DNM3: variants seen among roughly 807,000 people sequenced by gnomAD.
DNM3 encodes the protein dynamin-3.
A neutral mutation model predicts 101.6 loss-of-function variants in DNM3; 47 were observed. The observed-to-expected ratio is 0.46, with a 90% CI of 0.37 to 0.59. The LOEUF is 0.59. Among genes scored for constraint, DNM3 ranks in the 20% least tolerant of loss-of-function variants. DNM3 has a pLI of 0.00. For synonymous variants in DNM3, 385 were observed against 387.9 expected (o/e 0.99, Z 0.09); for missense variants, 849 against 1,085.7 (o/e 0.78, Z 3.06).
At chr1:172,371,271 T>C (rs564379001) in intron 17 of DNM3, among the ~76,000 whole-genome samples, 135 of 152,126 alleles carry the variant, frequency 8.9e-4, no homozygotes, top group African/African-American at 3.1e-3. Context: ...CATATTCAGA[T>C]AGGTAGCAAA....
chr1:172,131,792 A>G, intron 14 of DNM3: 1 of 397,188 alleles, frequency 2.5e-6, no homozygotes, highest in Non-Finnish European at 5.0e-6. Context: ...TGTTTATACA[A>G]ATTTTGTTCT....
At chr1:172,376,335 G>C (rs2068599644) in intron 17 of DNM3, 1 of 152,012 alleles carries the variant, frequency 6.6e-6, no homozygotes, top group Admixed American at 6.6e-5. Flanking sequence ...AAAGATCAGA[G>C]ACAAATTACT....
Position 171,899,208 on chromosome 1 carries a change from A to G in DNM3, c.162-22540A>G, listed in dbSNP as rs71637430. ...CTGGTGTGTTTTCCCCGCTGCTGCC[A>G]TGTGATGGCTCGTAAGCAGCACTAC... On this transcript the variant is annotated intron_variant, in intron 1 of 20. Transcript: ENST00000627582. Among the ~76,000 whole-genome samples, 52 of 152,330 alleles carry G rather than the reference A, an allele frequency of 3.4e-4. 1 individual carries two copies. The highest frequency in any genetic ancestry group is 3.7e-4 in the Non-Finnish European group (25 of 68,032).
chr1:172,080,415 C>T (rs564758521), intron 11 of DNM3, among the ~76,000 whole-genome samples: 64 of 152,238 alleles, frequency 4.2e-4, no homozygotes, highest in Non-Finnish European at 7.1e-4. Flanking sequence ...GGCAGCTTTG[C>T]TTACACTGTG....
At chr1:171,846,869 T>C (rs1571221609) in intron 1 of DNM3, among the ~76,000 whole-genome samples, 1 of 152,236 alleles carries the variant, frequency 6.6e-6, no homozygotes, top group South Asian at 2.1e-4. Context: ...TTAGCCATTA[T>C]GGGGTAGCAG....
chr1:172,258,956 GT>G (rs941567390), intron 15 of DNM3, among the ~76,000 whole-genome samples: 2 of 150,524 alleles, frequency 1.3e-5, no homozygotes, highest in African/African-American at 4.9e-5. Context: ...TTTGATTTCT[GT>G]TTTTTTCAAG....
intron 16 of DNM3, among the ~76,000 whole-genome samples, chr1:172,312,210 G>A (rs1276038558): frequency 6.6e-6 from 1 of 152,182 alleles, no homozygotes; most frequent in Non-Finnish European, 1.5e-5. Context: ...GAATGTCTAA[G>A]TAGTGTGATT....
At chr1:172,238,649 A>G (rs1195336462) in intron 14 of DNM3, among the ~76,000 whole-genome samples, 2 of 152,090 alleles carry the variant, frequency 1.3e-5, no homozygotes, top group South Asian at 2.1e-4. Context: ...AGTCCCATTC[A>G]TGGTACCTGA....
chr1:172,219,594 G>A (rs1185205697), intron 14 of DNM3, among the ~76,000 whole-genome samples: 1 of 151,948 alleles, frequency 6.6e-6, no homozygotes, highest in East Asian at 1.9e-4. Context: ...AGAGGGAAGA[G>A]GAAAGTCAGT....
At chr1:172,034,304 A>G (rs902894048) in intron 6 of DNM3, among the ~76,000 whole-genome samples, 2 of 152,158 alleles carry the variant, frequency 1.3e-5, no homozygotes, top group Non-Finnish European at 2.9e-5. Flanking sequence ...ATATGAATAT[A>G]TTTTTGAGAA....
intron 14 of DNM3, among the ~76,000 whole-genome samples, chr1:172,232,878 C>T (rs1025943874): frequency 1.7e-4 from 26 of 152,190 alleles, no homozygotes; most frequent in Non-Finnish European, 4.4e-5. Context: ...CTCTGGGACA[C>T]ATTTAAAGCA....
intron 2 of DNM3, among the ~76,000 whole-genome samples, chr1:171,976,306 G>C (rs1558358523): frequency 6.6e-6 from 1 of 152,160 alleles, no homozygotes; most frequent in Non-Finnish European, 1.5e-5. Flanking sequence ...AGACATACTG[G>C]AGATTGGGTA....
chr1:172,377,408 G>A (rs1011731), intron 17 of DNM3, among the ~76,000 whole-genome samples: 71,832 of 151,204 alleles, frequency 0.48, 20,186 homozygotes, highest in East Asian at 0.87. Context: ...TAAACACAAC[G>A]GCAAAATCTA....
chr1:172,039,573 G>A (rs564547591), intron 7 of DNM3, among the ~76,000 whole-genome samples: 1 of 151,590 alleles, frequency 6.6e-6, no homozygotes, highest in Admixed American at 6.6e-5. Context: ...TTTCTGTTTA[G>A]GCCCTAGGTC....
At chr1:172,147,893 C>G (rs1264532216) in intron 14 of DNM3, among the ~76,000 whole-genome samples, 1 of 152,086 alleles carries the variant, frequency 6.6e-6, no homozygotes, top group East Asian at 1.9e-4. Flanking sequence ...ACTACTTTCT[C>G]AATGGTCATT....
At chr1:172,282,890 G>A (rs1036197325) in intron 15 of DNM3, among the ~76,000 whole-genome samples, 5 of 152,190 alleles carry the variant, frequency 3.3e-5, no homozygotes, top group Non-Finnish European at 7.3e-5. Context: ...GACAGCTTAT[G>A]TGACTGTCTT....
At chr1:172,047,303 A>G (rs909543143) in intron 9 of DNM3, among the ~76,000 whole-genome samples, 1 of 152,118 alleles carries the variant, frequency 6.6e-6, no homozygotes, top group Non-Finnish European at 1.5e-5. Context: ...AACTCTCCTT[A>G]CTGTGTATCC....
At chr1:172,188,682 G>A (rs1396508733) in intron 14 of DNM3, among the ~76,000 whole-genome samples, 1 of 151,896 alleles carries the variant, frequency 6.6e-6, no homozygotes, top group Non-Finnish European at 1.5e-5. Flanking sequence ...AATTCATTTG[G>A]GTGAATACCT....
At position 172,252,577 on chromosome 1, in the gene DNM3, C is replaced by T. The variant is rs146259439; in HGVS notation, c.1660-996C>T. Among the ~76,000 whole-genome samples the T allele has an allele frequency of 4.5e-4, 68 of 152,202 alleles. No homozygotes were observed. In the East Asian group the frequency reaches 4.6e-3, roughly 10 times the overall value. ...TGGACTTTAGCCCTGCTCTCTTTCA[C>T]GGGTAACACCAGAGATGTAACCTGG... On this transcript the variant is annotated intron_variant, in intron 14 of 20. Coordinates refer to ENST00000627582, the MANE Select transcript of DNM3 (RefSeq NM_015569.5).
Sources: allele counts gnomAD v4.1 joint callset (sites outside exome capture counted in the v4.1 genomes callset), GRCh38; gene constraint gnomAD v4.1.1; transcripts MANE v1.5; gene names NCBI Gene and HGNC (gene_info 2026-07-23, HGNC 2026-07-21).